TLR6: variants seen among roughly 807,000 people sequenced by gnomAD.
The protein encoded by TLR6 is toll like receptor 6.
In TLR6, 9 loss-of-function variants were observed where a neutral mutation model predicts 16.1. The ratio of observed to expected loss-of-function variants is 0.56; its 90% CI spans 0.34 to 0.98. The LOEUF (loss-of-function observed/expected upper bound fraction) is 0.98. TLR6 is among the 50% of genes least tolerant of loss of function. The pLI is 0.02. For missense variants in TLR6, 786 were observed against 921.0 expected (o/e 0.85, Z 1.90); for synonymous variants, 340 against 338.6 (o/e 1.00, Z -0.04).
intron 1 of TLR6, among the ~76,000 whole-genome samples, chr4:38,844,576 G>A (rs1208669907): frequency 2.6e-5 from 4 of 151,972 alleles, no homozygotes; most frequent in African/African-American, 9.7e-5. Context: ...ATTTAATAGA[G>A]ACATAAGCTG....
At chr4:38,855,078 G>A (rs1479546238) in intron 1 of TLR6, among the ~76,000 whole-genome samples, 2 of 152,056 alleles carry the variant, frequency 1.3e-5, no homozygotes, top group South Asian at 2.1e-4. Flanking sequence ...CGGGCGTGGT[G>A]GCGGGCGCCT....
At chr4:38,830,123 T>C (rs1229715326) in intron 1 of TLR6, among the ~76,000 whole-genome samples, 2 of 152,312 alleles carry the variant, frequency 1.3e-5, no homozygotes, top group South Asian at 2.1e-4. Flanking sequence ...TTAGCTTCCA[T>C]GCATGCAGAA....
At chr4:38,836,353 A>G (rs1182384873) in intron 1 of TLR6, among the ~76,000 whole-genome samples, 1 of 152,222 alleles carries the variant, frequency 6.6e-6, no homozygotes, top group African/African-American at 2.4e-5. Flanking sequence ...ATGAACACCT[A>G]TATGTTAACA....
At chr4:38,853,557 A>C (rs1712854949) in intron 1 of TLR6, among the ~76,000 whole-genome samples, 1 of 152,226 alleles carries the variant, frequency 6.6e-6, no homozygotes, top group Non-Finnish European at 1.5e-5. Flanking sequence ...GTTAGCACCA[A>C]TAAAAGACTA....
the TLR6 span, among the ~76,000 whole-genome samples, chr4:38,865,605 G>A: frequency 3.7e-4 from 57 of 152,240 alleles, no homozygotes; most frequent in African/African-American, 1.2e-3. Flanking sequence ...CTGTGTATAT[G>A]CTACACCAAA....
At chr4:38,826,303 T>C (rs1727543102) in exon 2 of TLR6, 1 of 152,296 alleles carries the variant, frequency 6.6e-6, no homozygotes, top group Non-Finnish European at 1.5e-5. Context: ...TCTGCTCTTT[T>C]GATAAGTCCA....
At chr4:38,862,025 C>T in the TLR6 span, among the ~76,000 whole-genome samples, 1 of 152,194 alleles carries the variant, frequency 6.6e-6, no homozygotes, top group African/African-American at 2.4e-5. Context: ...CGCGATGATG[C>T]TTCATTTTCA....
chr4:38,823,800 C>G (rs966559326), exon 2 of TLR6: 2 of 152,206 alleles, frequency 1.3e-5, no homozygotes, highest in South Asian at 4.1e-4. Context: ...CGCATCCTAC[C>G]GGGGCAATGG....
At chr4:38,827,741 G>C (rs780781175) in exon 2 of TLR6, 2 of 1,614,250 alleles carry the variant, frequency 1.2e-6, no homozygotes, top group South Asian at 2.2e-5. Flanking sequence ...GGATAATTCA[G>C]ACATGTGAAA....
chr4:38,846,109 A>G (rs1369994929), intron 1 of TLR6, among the ~76,000 whole-genome samples: 1 of 150,148 alleles, frequency 6.7e-6, no homozygotes, highest in Non-Finnish European at 1.5e-5. Context: ...AAAAAAAAAG[A>G]AAAGAAAAGA....
intron 1 of TLR6, among the ~76,000 whole-genome samples, chr4:38,855,836 T>A (rs180963692): frequency 6.7e-6 from 1 of 149,946 alleles, no homozygotes; most frequent in East Asian, 2.0e-4. Flanking sequence ...AGTGGAAGAT[T>A]AGAGAGTTCA....
At chr4:38,862,325 G>C in the TLR6 span, among the ~76,000 whole-genome samples, 1 of 152,176 alleles carries the variant, frequency 6.6e-6, no homozygotes, top group African/African-American at 2.4e-5. Context: ...CATCACCCTG[G>C]CTGGAGTGCA....
upstream of TLR6, among the ~76,000 whole-genome samples, chr4:38,860,459 G>A (rs773405925): frequency 2.0e-5 from 3 of 148,782 alleles, no homozygotes; most frequent in African/African-American, 5.0e-5. Context: ...GCAACAGAGC[G>A]AGACTCTGTC....
At chr4:38,836,519 G>A (rs1003950774) in intron 1 of TLR6, among the ~76,000 whole-genome samples, 2 of 152,162 alleles carry the variant, frequency 1.3e-5, no homozygotes, top group African/African-American at 4.8e-5. Context: ...TCTCAGGACT[G>A]GATGGCTTTA....
At chr4:38,858,796 A>G (rs868621768), upstream of TLR6, among the ~76,000 whole-genome samples, 214 of 69,938 alleles carry the variant, frequency 3.1e-3, no homozygotes, top group Non-Finnish European at 4.6e-3. Flanking sequence ...AGAGAGGGAG[A>G]GAGAGAGAGA....
intron 1 of TLR6, among the ~76,000 whole-genome samples, chr4:38,844,851 C>T (rs914535440): frequency 2.6e-5 from 4 of 151,972 alleles, no homozygotes; most frequent in Admixed American, 1.3e-4. Context: ...GTAAGGAGTT[C>T]GAGACCAGCC....
At chr4:38,859,212 A>C (rs1713141659), upstream of TLR6, among the ~76,000 whole-genome samples, 1 of 152,226 alleles carries the variant, frequency 6.6e-6, no homozygotes, top group Non-Finnish European at 1.5e-5. Context: ...CTGTGTCCTC[A>C]TAAGACACAC....
chr4:38,828,053 G>T, exon 2 of TLR6: 1 of 1,614,212 alleles, frequency 6.2e-7, no homozygotes, highest in Non-Finnish European at 8.5e-7. Flanking sequence ...TTCTTGCAAA[G>T]CTTCCAGTTT....
exon 2 of TLR6, chr4:38,827,180 T>C (rs748187903): frequency 6.2e-7 from 1 of 1,614,232 alleles, no homozygotes; most frequent in East Asian, 2.2e-5. Flanking sequence ...GCTTTTCTCC[T>C]TGGGCCACTG....
Sources: allele counts gnomAD v4.1 joint callset (sites outside exome capture counted in the v4.1 genomes callset), GRCh38; gene constraint gnomAD v4.1.1; transcripts MANE v1.5; gene names NCBI Gene and HGNC (gene_info 2026-07-23, HGNC 2026-07-21).